KIF7: variants seen among roughly 807,000 people sequenced by gnomAD.
KIF7 encodes the protein kinesin family member 7, also known as kinesin-like protein KIF7.
Under a neutral mutation model 135.7 loss-of-function variants are expected in KIF7, and 104 were observed. That is an observed-to-expected ratio of 0.77 (90% confidence interval 0.65 to 0.90). The LOEUF is 0.90. Ranked by LOEUF, KIF7 falls within the 40% of genes least tolerant of loss-of-function variation. KIF7 has a pLI of 0.00. For missense variants in KIF7, 2,005 were observed against 1,839.1 expected (o/e 1.09, Z -1.65); for synonymous variants, 883 against 809.4 (o/e 1.09, Z -1.54).
intron 1 of KIF7, among the ~76,000 whole-genome samples, chr15:89,654,583 T>G (rs1226732941): frequency 6.6e-6 from 1 of 152,024 alleles, no homozygotes; most frequent in African/African-American, 2.4e-5. Flanking sequence ...CCACTCCAAC[T>G]GCAGGTTACT....
chr15:89,657,167 G>A (rs187269250), upstream of KIF7, among the ~76,000 whole-genome samples: 2 of 152,212 alleles, frequency 1.3e-5, no homozygotes, highest in Non-Finnish European at 2.9e-5. Context: ...ATAGGCAGGC[G>A]TAGTGGCATG....
rs1444615810 is a variant in KIF7, at chr15:89,633,695, G to A, written c.2583C>T (p.His861=). Reference sequence around the variant, plus strand: ...CTGCCGTGAGCCTGACCTTGACGCGGTGCTGCCGCTTGCTCATTTCTGCCT... The same window carrying A: ...CTGCCGTGAGCCTGACCTTGACGCGATGCTGCCGCTTGCTCATTTCTGCCT... ...RLEAEMSKRQ[H]RVKELELKHE... Residue 861 remains histidine (H), a synonymous_variant, in exon 12 of 19, where the codon CAC becomes CAT. Transcript: ENST00000394412. 2 of 1,607,254 alleles carry A rather than the reference G, an allele frequency of 1.2e-6. No individual in the cohort carries two copies. The highest frequency in any genetic ancestry group is 1.7e-6 in the Non-Finnish European group (2 of 1,179,796).
At chr15:89,629,247 G>A (rs1963613760) in intron 17 of KIF7, 125 bp from the exon 18 acceptor site, 2 of 1,240,850 alleles carry the variant, frequency 1.6e-6, no homozygotes, top group Non-Finnish European at 2.2e-6. Flanking sequence ...CGGGCCACCA[G>A]GGCTGTAGGT....
chr15:89,644,520 C>CAA lies in KIF7; in HGVS notation c.2191+491_2191+492dup, dbSNP rs558842403. On this transcript the variant is annotated intron_variant, in intron 10 of 18. Coordinates refer to ENST00000394412, the MANE Select transcript of KIF7 (RefSeq NM_198525.3). ...TGAAACCCCATCTCAACTAAAAATA[C>CAA]AAAAAAAAAAAAAAATTAGGTGGGT... 8.7e-5 allele frequency among the ~76,000 whole-genome samples: 11 copies of CAA among 126,802 alleles called. No individual in the cohort carries two copies. In the East Asian group the frequency reaches 1.8e-3, roughly 20 times the overall value. 83.2% of individuals were successfully genotyped at this position (126,802 alleles called of 152,430 possible).
At chr15:89,627,265 T>C (rs1303249430), downstream of KIF7, 1 of 727,142 alleles carries the variant, frequency 1.4e-6, no homozygotes, top group East Asian at 2.8e-5. Flanking sequence ...GCCCTGCCCC[T>C]TGTTGGGGAA....
chr15:89,623,797 C>T (rs369720204), downstream of KIF7: 8 of 1,613,834 alleles, frequency 5.0e-6, no homozygotes, highest in South Asian at 6.6e-5. Flanking sequence ...CTCCTCCTCA[C>T]CCGGCCATGA....
chr15:89,626,084 G>C (rs117117368), downstream of KIF7: 14,130 of 1,610,180 alleles, frequency 8.8e-3, 94 homozygotes, highest in Non-Finnish European at 9.5e-3. Context: ...GAAGGTCTAG[G>C]ACCCTTTCCT....
At position 89,628,285 on chromosome 15, in the gene KIF7, T is replaced by C; in HGVS notation, c.*134A>G. ...TTGGGCCATGGCCCAAATTTGTTGA[T>C]CCCAGTGAGGGTACAGATGAGGGCC... On this transcript the variant is annotated 3_prime_UTR_variant, in exon 19 of 19. Transcript: ENST00000394412. 8.5e-7 allele frequency: 1 copy of C among 1,177,670 alleles called. No homozygotes were observed. The highest frequency in any genetic ancestry group is 1.2e-6 in the Non-Finnish European group (1 of 852,724). 73.0% of individuals were successfully genotyped at this position (1,177,670 alleles called of 1,614,324 possible).
chr15:89,652,214 C>T (rs1007458045), intron 2 of KIF7, among the ~76,000 whole-genome samples: 3 of 152,182 alleles, frequency 2.0e-5, no homozygotes, highest in African/African-American at 7.2e-5. Flanking sequence ...GTATCCAAAG[C>T]AGCCTCTTCC....
At chr15:89,625,420 G>C, downstream of KIF7, 1 of 1,613,990 alleles carries the variant, frequency 6.2e-7, no homozygotes, top group Non-Finnish European at 8.5e-7. Flanking sequence ...CGGGAGGGGC[G>C]AGGTCGGTGC....
chr15:89,653,157 A>T (rs1055538512), intron 1 of KIF7, among the ~76,000 whole-genome samples: 1 of 152,228 alleles, frequency 6.6e-6, no homozygotes, highest in African/African-American at 2.4e-5. Flanking sequence ...CCACAGGAAC[A>T]TGTCATGGCT....
intron 12 of KIF7, among the ~76,000 whole-genome samples, chr15:89,633,468 G>C (rs1445731336): frequency 2.0e-5 from 3 of 152,220 alleles, no homozygotes; most frequent in South Asian, 2.1e-4. Flanking sequence ...CAAGATGCCA[G>C]TCACCTCATA....
chr15:89,649,877 G>A lies in KIF7; in HGVS notation c.393C>T (p.Ile131=), dbSNP rs537169269. Residue 131 remains isoleucine, a synonymous_variant, in exon 3 of 19, where the codon ATC becomes ATT. Transcript: ENST00000394412. The stretch of plus-strand genomic sequence containing the variant: ...GACAGTCAAGCAGGTCGTTCTCATC[G>A]ATGAGCTTGAAGGCCTCGGCCATGG... ...PRAMAEAFKL[I]DENDLLDCLV... is the part of the protein sequence containing the mutation. 40 of 1,551,772 alleles carry A rather than the reference G, an allele frequency of 2.6e-5. No individual in the cohort carries two copies. The highest frequency in any genetic ancestry group is 9.8e-5 in the Admixed American group (5 of 51,016).
chr15:89,619,884 T>A, intron 1 of KIF7: 1 of 1,559,922 alleles, frequency 6.4e-7, no homozygotes, highest in South Asian at 1.2e-5. Flanking sequence ...CCGTGCTGAC[T>A]TGGTGAGAAG....
At position 89,631,648 on chromosome 15, in the gene KIF7, G is replaced by A. The variant is rs559548657; in HGVS notation, c.2958C>T (p.Ser986=). The A allele has an allele frequency of 4.1e-5, 64 of 1,562,556 alleles. No homozygotes were observed. The South Asian group carries it at 4.9e-4, about 12-fold the overall frequency. ...SRLEHLEKEL[S]EKSGQLRQGS... ...CCTGCCGCAGCTGCCCGCTCTTCTCGGACAGCTCCTTCTCCAGGTGCTCCA... is the reference window on the plus strand; with the variant it reads ...CCTGCCGCAGCTGCCCGCTCTTCTCAGACAGCTCCTTCTCCAGGTGCTCCA... Residue 986 remains serine, a synonymous_variant, in exon 15 of 19, where the codon TCC becomes TCT. Transcript: ENST00000394412.
Position 89,645,875 on chromosome 15 carries a change from G to A in KIF7, c.1922+18C>T, listed in dbSNP as rs751154407. The A allele has an allele frequency of 9.3e-6, 15 of 1,611,902 alleles. No individual in the cohort carries two copies. The South Asian group carries it at 1.4e-4, about 15-fold the overall frequency. On this transcript the variant is annotated intron_variant, in intron 8 of 18. Coordinates refer to ENST00000394412, the MANE Select transcript of KIF7 (RefSeq NM_198525.3). ...CTGAGCAGGTCCTTGTCAGGTGGGG[G>A]CAGTGGGTCCCACTCACCTGCGCAG...
chr15:89,643,625 G>A (rs1217008208), intron 10 of KIF7, among the ~76,000 whole-genome samples: 3 of 152,238 alleles, frequency 2.0e-5, no homozygotes, highest in Non-Finnish European at 4.4e-5. Context: ...GGTGGCTCAC[G>A]CCTCTAATCC....
intron 10 of KIF7, among the ~76,000 whole-genome samples, chr15:89,644,290 G>A (rs1235409617): frequency 6.6e-6 from 1 of 152,114 alleles, no homozygotes; most frequent in African/African-American, 2.4e-5. Context: ...ATTTGGAGAC[G>A]CTCAGTCCTC....
Position 89,622,358 on chromosome 15 carries a change from A to G in KIF7, c.181-4163T>C, listed in dbSNP as rs147355262. Among the ~76,000 whole-genome samples the G allele has an allele frequency of 8.0e-3, 1,221 of 152,220 alleles. 5 individuals carry two copies. Among genetic ancestry groups the G allele is most frequent in the Middle Eastern group, 0.014 (4 of 294 alleles). On this transcript the variant is annotated intron_variant and NMD_transcript_variant, in intron 1 of 2. Coordinates refer to the KIF7 transcript ENST00000558928. ...CCTACCCTAGTTCAGGTCTACCTGGAACACTTCAACAGGCTTTTCCCTCTC... is the reference window on the plus strand; with the variant it reads ...CCTACCCTAGTTCAGGTCTACCTGGGACACTTCAACAGGCTTTTCCCTCTC...
Sources: allele counts gnomAD v4.1 joint callset (sites outside exome capture counted in the v4.1 genomes callset), GRCh38; gene constraint gnomAD v4.1.1; transcripts MANE v1.5; gene names NCBI Gene and HGNC (gene_info 2026-07-23, HGNC 2026-07-21).